The following ERICH5 variants were observed in gnomAD, a reference collection of about 807,000 sequenced individuals.
ERICH5 encodes glutamate-rich protein 5.
A neutral mutation model predicts 28.0 loss-of-function variants in ERICH5; 24 were observed. The ratio of observed to expected loss-of-function variants is 0.86; its 90% CI spans 0.62 to 1.21. ERICH5 has a LOEUF of 1.21. Among genes scored for constraint, ERICH5 ranks in the 50% most tolerant of loss-of-function variants. ERICH5 has a pLI of 0.00. For missense variants in ERICH5, 421 were observed against 441.2 expected (o/e 0.95, Z 0.41); for synonymous variants, 163 against 157.6 (o/e 1.03, Z -0.25).
intron 2 of ERICH5, among the ~76,000 whole-genome samples, chr8:98,092,206 C>T (rs141064330): frequency 1.5e-4 from 23 of 151,964 alleles, no homozygotes; most frequent in Admixed American, 5.2e-4. Flanking sequence ...GAGACAGAGT[C>T]TTGCTCTGTT....
chr8:98,073,335 GAGAC>G (rs1814955015), intron 1 of ERICH5, among the ~76,000 whole-genome samples: 1 of 148,110 alleles, frequency 6.8e-6, no homozygotes, highest in Non-Finnish European at 1.5e-5. Flanking sequence ...AGCACTTTGG[GAGAC>G]TGAGGCAGGA....
Position 98,089,296 on chromosome 8 carries a change from T to C in ERICH5, c.279T>C (p.Asp93=), listed in dbSNP as rs1815339360. 6.2e-7 allele frequency: 1 copy of C among 1,614,048 alleles called. No individual in the cohort carries two copies. The highest frequency in any genetic ancestry group is 8.5e-7 in the Non-Finnish European group (1 of 1,180,046). Residue 93 remains aspartate (D), a synonymous_variant, in exon 2 of 3, where the codon GAT becomes GAC. Coordinates refer to ENST00000318528, the MANE Select transcript of ERICH5 (RefSeq NM_173549.3). ...CCAAGGACGTAGCCCCTGGAAGGGA[T>C]GCCACAGACCAATCAGGGTCCACAG... ...PLAKDVAPGR[D]ATDQSGSTEK...
At chr8:98,084,165 A>C (rs1815231876) in intron 1 of ERICH5, among the ~76,000 whole-genome samples, 1 of 151,680 alleles carries the variant, frequency 6.6e-6, no homozygotes, top group African/African-American at 2.4e-5. Flanking sequence ...CTGGGATTAC[A>C]GGCATGCTGT....
chr8:98,079,817 G>C (rs956566206), intron 1 of ERICH5, among the ~76,000 whole-genome samples: 6 of 152,216 alleles, frequency 3.9e-5, no homozygotes, highest in Non-Finnish European at 8.8e-5. Flanking sequence ...TGGGATTACA[G>C]GGTGAGCTAC....
At chr8:98,068,738 G>C (rs1814861143) in intron 1 of ERICH5, among the ~76,000 whole-genome samples, 1 of 152,130 alleles carries the variant, frequency 6.6e-6, no homozygotes, top group African/African-American at 2.4e-5. Context: ...ATCTGTTTTG[G>C]CAGACTTCTT....
intron 1 of ERICH5, among the ~76,000 whole-genome samples, chr8:98,074,634 A>G (rs950547475): frequency 6.6e-6 from 1 of 152,052 alleles, no homozygotes; most frequent in African/African-American, 2.4e-5. Flanking sequence ...GCTGGCCTCA[A>G]GTGATCCTCC....
chr8:98,088,768 A>T (rs1815325077), intron 1 of ERICH5, among the ~76,000 whole-genome samples: 1 of 152,222 alleles, frequency 6.6e-6, no homozygotes, highest in Admixed American at 6.5e-5. Flanking sequence ...AAAAGAAGAG[A>T]GAAACAGAGT....
chr8:98,084,607 C>T (rs372481973), intron 1 of ERICH5, among the ~76,000 whole-genome samples: 3 of 152,142 alleles, frequency 2.0e-5, no homozygotes, highest in African/African-American at 4.8e-5. Context: ...TCTCGAACTC[C>T]GGACCTCAGG....
rs1814969235 is a variant in ERICH5, at chr8:98,073,458, ATGT to A, written c.58+8732_58+8734del. Reference sequence around the variant, plus strand: ...TATATATATATATATATATATATATATGTATATATATATATATATATATATATG... The same window carrying A: ...TATATATATATATATATATATATATAATATATATATATATATATATATATG... On this transcript the variant is annotated intron_variant, in intron 1 of 2. Coordinates refer to ENST00000318528, the MANE Select transcript of ERICH5 (RefSeq NM_173549.3). 2.5e-3 allele frequency among the ~76,000 whole-genome samples: 25 copies of A among 9,876 alleles called. 5 individuals carry two copies. Among genetic ancestry groups the A allele is most frequent in the African/African-American group, 0.012 (21 of 1,776 alleles). 6.5% of individuals were successfully genotyped at this position (9,876 alleles called of 152,430 possible).
intron 1 of ERICH5, among the ~76,000 whole-genome samples, chr8:98,073,514 A>T (rs181678157): frequency 1.6e-4 from 1 of 6,328 alleles, no homozygotes; most frequent in Non-Finnish European, 3.3e-4. Flanking sequence ...ATATATATAT[A>T]TGTATATATA....
chr8:98,085,899 G>A (rs1006058388), intron 1 of ERICH5, among the ~76,000 whole-genome samples: 1 of 152,164 alleles, frequency 6.6e-6, no homozygotes, highest in African/African-American at 2.4e-5. Context: ...AGCGTTTATC[G>A]CATGGGATTG....
In ERICH5 at chr8:98,073,462, AT is replaced by A. The variant is rs1814970758; in HGVS notation, c.58+8736del. ...TATATATATATATATATATATATGTATATATATATATATATATATATATGTA... is the reference window on the plus strand; with the variant it reads ...TATATATATATATATATATATATGTAATATATATATATATATATATATGTA... On this transcript the variant is annotated intron_variant, in intron 1 of 2. Coordinates refer to ENST00000318528, the MANE Select transcript of ERICH5 (RefSeq NM_173549.3). Among the ~76,000 whole-genome samples the A allele has an allele frequency of 3.4e-3, 7 of 2,036 alleles. 2 individuals are homozygous for A. Among genetic ancestry groups the A allele is most frequent in the African/African-American group, 0.014 (7 of 508 alleles). The allele number at this position is 2,036 out of a possible 152,430, so 1.3% of individuals were successfully genotyped here. A position where few individuals can be genotyped will look rare whatever the true frequency, so the allele number is the denominator to read the frequency against.
At position 98,064,663 on chromosome 8, in the gene ERICH5, C is replaced by A; in HGVS notation, c.-7C>A. 6.5e-7 allele frequency: 1 copy of A among 1,528,570 alleles called. No homozygotes were observed. Among genetic ancestry groups the A allele is most frequent in the Non-Finnish European group, 8.8e-7 (1 of 1,136,832 alleles). The allele number at this position is 1,528,570 out of a possible 1,614,324, so 94.7% of individuals were successfully genotyped here. On this transcript the variant is annotated 5_prime_UTR_variant, in exon 1 of 3. Coordinates refer to ENST00000318528, the MANE Select transcript of ERICH5 (RefSeq NM_173549.3). ...CAGGGCTGAGACAGGTGTCTGCGCT[C>A]CCCGCAATGGGCTGCTCCAGCAGCG...
Position 98,064,581 on chromosome 8 carries a change from C to A in ERICH5, c.-89C>A. 2.5e-6 allele frequency: 3 copies of A among 1,197,806 alleles called. No individual in the cohort carries two copies. Among genetic ancestry groups the A allele is most frequent in the Non-Finnish European group, 2.3e-6 (2 of 878,550 alleles). 74.2% of individuals were successfully genotyped at this position (1,197,806 alleles called of 1,614,324 possible). On this transcript the variant is annotated 5_prime_UTR_variant, in exon 1 of 3. Transcript: ENST00000318528. The stretch of plus-strand genomic sequence containing the variant: ...GAGCCGGGCTGCAGAGCTGGAGAAA[C>A]TTCCGCGGCTACGGGTGCAGTTGCC...
intron 2 of ERICH5, among the ~76,000 whole-genome samples, chr8:98,091,023 C>T (rs1285643603): frequency 6.6e-6 from 1 of 152,040 alleles, no homozygotes; most frequent in African/African-American, 2.4e-5. Context: ...CTGCAACCTC[C>T]ACCTTCTGCG....
intron 1 of ERICH5, among the ~76,000 whole-genome samples, chr8:98,065,222 C>A (rs760534105): frequency 6.6e-6 from 1 of 152,200 alleles, no homozygotes; most frequent in Non-Finnish European, 1.5e-5. Flanking sequence ...TCCGCTCCCC[C>A]GTCTCTACTA....
intron 1 of ERICH5, among the ~76,000 whole-genome samples, chr8:98,081,869 A>C (rs1815189123): frequency 6.6e-6 from 1 of 152,048 alleles, no homozygotes; most frequent in South Asian, 2.1e-4. Flanking sequence ...CGGAGGTTGC[A>C]GTGAGCTGAG....
At chr8:98,092,850 A>C (rs1214686250) in intron 2 of ERICH5, among the ~76,000 whole-genome samples, 1 of 148,364 alleles carries the variant, frequency 6.7e-6, no homozygotes, top group Non-Finnish European at 1.5e-5. Flanking sequence ...ATCTCAGCTC[A>C]CTGCAACTTC....
intron 1 of ERICH5, among the ~76,000 whole-genome samples, chr8:98,074,449 G>A (rs59704264): frequency 0.092 from 13,203 of 143,112 alleles, 852 homozygotes; most frequent in Admixed American, 0.19. Context: ...TTTGAGACAG[G>A]GTCTCACTCT....
Sources: allele counts gnomAD v4.1 joint callset (sites outside exome capture counted in the v4.1 genomes callset), GRCh38; gene constraint gnomAD v4.1.1; transcripts MANE v1.5; gene names NCBI Gene and HGNC (gene_info 2026-07-23, HGNC 2026-07-21).